SACM1L: variants seen among roughly 807,000 people sequenced by gnomAD.
SACM1L encodes the protein phosphatidylinositol-3-phosphatase SAC1.
In SACM1L, 32 loss-of-function variants were observed where a neutral mutation model predicts 89.5. That is an observed-to-expected ratio of 0.36 (90% CI 0.27 to 0.48). The LOEUF (loss-of-function observed/expected upper bound fraction) is 0.48, where lower values mean the gene tolerates loss of function less well. Ranked by LOEUF, SACM1L falls within the 20% of genes least tolerant of loss-of-function variation. The probability of loss-of-function intolerance (pLI) is 0.99; values close to 1 mark genes in which losing one functional copy is unlikely to be tolerated. For synonymous variants in SACM1L, 213 were observed against 232.8 expected, an observed-to-expected ratio of 0.92 and a Z score of 0.77; for missense variants, 543 against 708.5, an observed-to-expected ratio of 0.77 and a Z score of 2.65.
chr3:45,714,050 A>G lies in SACM1L; in HGVS notation c.548A>G (p.His183Arg). 2 of 1,526,916 alleles carry G rather than the reference A, an allele frequency of 1.3e-6. No homozygotes were observed. The highest frequency in any genetic ancestry group is 1.8e-6 in the Non-Finnish European group (2 of 1,115,992). 94.6% of individuals were successfully genotyped at this position (1,526,916 alleles called of 1,614,324 possible). A position where few individuals can be genotyped will look rare whatever the true frequency, so the allele number is the denominator to read the frequency against. The change falls in exon 7 of 20, where the codon CAT (histidine) becomes CGT (arginine). Residue 183 changes from histidine to arginine, a missense_variant. By Grantham distance (29) the His-to-Arg change is conservative. This residue lies in a region of SACM1L where 370 missense variants were observed against 527.6 expected (regional missense o/e 0.70). Transcript: ENST00000389061. Reference sequence around the variant, plus strand: ...AAATATATATCTTCATTTCAGGTTCATCGGTTTGCCCTTCCAGTGTTACAT... The same window carrying G: ...AAATATATATCTTCATTTCAGGTTCGTCGGTTTGCCCTTCCAGTGTTACAT... ...LRELSAQPEV[H>R]RFALPVLHGF...
chr3:45,733,197 G>A (rs1438560118), intron 13 of SACM1L, among the ~76,000 whole-genome samples: 1 of 152,192 alleles, frequency 6.6e-6, no homozygotes, highest in Non-Finnish European at 1.5e-5. Flanking sequence ...GTTCACTGTG[G>A]TCCACAGGGA....
rs370666288 is a variant in SACM1L, at chr3:45,719,541, G to C, written c.619G>C (p.Asp207His). ...ATGTTCTATTAATGGAAAATACTTT[G>C]ATTGGATTCTCATCTCGAGGAGGAG... ...HSCSINGKYFDWILISRRSCF... is the reference protein window; with the variant it reads ...HSCSINGKYFHWILISRRSCF... The change falls in exon 8 of 20, where the codon GAT becomes CAT. Residue 207 changes from aspartate to histidine, a missense_variant. Asp to His is a moderately conservative substitution (Grantham distance 81). Coordinates refer to ENST00000389061, the MANE Select transcript of SACM1L (RefSeq NM_014016.5). The C allele has an allele frequency of 1.2e-5, 20 of 1,612,154 alleles. No homozygotes were observed. In the African/African-American group the frequency reaches 2.0e-4, roughly 16 times the overall value.
chr3:45,721,051 G>C (rs1320222983), intron 8 of SACM1L, among the ~76,000 whole-genome samples: 3 of 152,166 alleles, frequency 2.0e-5, no homozygotes, highest in Non-Finnish European at 2.9e-5. Context: ...TCAAATATTT[G>C]AAAGAACTAA....
chr3:45,694,300 TAA>T (rs1286692462), intron 1 of SACM1L, among the ~76,000 whole-genome samples: 1 of 152,206 alleles, frequency 6.6e-6, no homozygotes, highest in Non-Finnish European at 1.5e-5. Context: ...TTGCCATTTT[TAA>T]AAGAGTCTCA....
intron 12 of SACM1L, 41 bp downstream of exon 12, chr3:45,731,421 A>G: frequency 7.4e-7 from 1 of 1,346,314 alleles, no homozygotes; most frequent in Non-Finnish European, 1.1e-6. Flanking sequence ...TTCAGATCAG[A>G]TGTGCACTTA....
Position 45,713,134 on chromosome 3 carries a change from C to G in SACM1L, c.484-3C>G. On this transcript the variant is annotated splice_region_variant and splice_polypyrimidine_tract_variant and intron_variant, in intron 5 of 19. Transcript: ENST00000389061. ...TTTTATTAAATTTTAAAACTTCTCT[C>G]AGGCAGATCAGCGGTTTGTATGGAA... The G allele has an allele frequency of 6.2e-7, 1 of 1,610,724 alleles. No homozygotes were observed. The highest frequency in any genetic ancestry group is 8.5e-7 in the Non-Finnish European group (1 of 1,178,162).
chr3:45,729,891 C>G (rs1434612904), intron 11 of SACM1L, among the ~76,000 whole-genome samples: 2 of 150,870 alleles, frequency 1.3e-5, no homozygotes, highest in Non-Finnish European at 2.9e-5. Context: ...CTCTCTCTTC[C>G]TGGAATTCCC....
At chr3:45,740,365 T>G (rs1358971845) in intron 19 of SACM1L, among the ~76,000 whole-genome samples, 1 of 152,162 alleles carries the variant, frequency 6.6e-6, no homozygotes, top group East Asian at 1.9e-4. Context: ...TGAGGGAGAT[T>G]CAACAGGACT....
chr3:45,700,650 T>C (rs1698244084), intron 1 of SACM1L, among the ~76,000 whole-genome samples: 1 of 152,170 alleles, frequency 6.6e-6, no homozygotes, highest in South Asian at 2.1e-4. Context: ...TCTATCTCTT[T>C]TTATTTTATT....
intron 4 of SACM1L, among the ~76,000 whole-genome samples, chr3:45,708,872 A>G (rs962849640): frequency 2.0e-5 from 3 of 152,224 alleles, no homozygotes; most frequent in African/African-American, 7.2e-5. Context: ...GATAAAAACA[A>G]ATGTCAATCT....
At chr3:45,708,071 TA>T (rs1174172147) in intron 4 of SACM1L, among the ~76,000 whole-genome samples, 2 of 152,158 alleles carry the variant, frequency 1.3e-5, no homozygotes, top group African/African-American at 2.4e-5. Flanking sequence ...ATCTATAACT[TA>T]CAATAGAGTT....
chr3:45,710,580 T>G (rs1354499121), intron 5 of SACM1L, among the ~76,000 whole-genome samples: 2 of 151,930 alleles, frequency 1.3e-5, no homozygotes, highest in Non-Finnish European at 2.9e-5. Flanking sequence ...AAGTTTCTTT[T>G]GTTCAGGAAC....
chr3:45,719,587 G>A lies in SACM1L; in HGVS notation c.665G>A (p.Arg222His). Residue 222 changes from arginine (R) to histidine (H), a missense_variant, in exon 8 of 20, where the codon CGC (arginine) becomes CAC (histidine). By Grantham distance (29) the Arg-to-His change is conservative. Transcript: ENST00000389061. ...SRRSCFRAGV[R>H]YYVRGIDSEG... ...AGGAGCTGTTTCAGAGCTGGTGTGC[G>A]CTATTATGTAAGAGGTGAGAATTTT... 1.9e-6 allele frequency: 3 copies of A among 1,607,812 alleles called. No homozygotes were observed. Among genetic ancestry groups the A allele is most frequent in the Non-Finnish European group, 2.6e-6 (3 of 1,176,456 alleles).
chr3:45,742,134 G>A (rs1484364992), intron 19 of SACM1L, among the ~76,000 whole-genome samples: 1 of 152,194 alleles, frequency 6.6e-6, no homozygotes, highest in African/African-American at 2.4e-5. Flanking sequence ...GAATGAAACG[G>A]ATGATTCCTT....
chr3:45,700,228 TGTTAAA>T (rs931396248), intron 1 of SACM1L, among the ~76,000 whole-genome samples: 29 of 152,350 alleles, frequency 1.9e-4, no homozygotes, highest in African/African-American at 6.7e-4. Context: ...AATCTTTTTA[TGTTAAA>T]AATAGCATTA....
rs1449758127 is a variant in SACM1L, at chr3:45,722,018, A to G, written c.698A>G (p.His233Arg). The stretch of plus-strand genomic sequence containing the variant: ...TATTTAGGAATTGATTCGGAAGGCC[A>G]TGCAGCTAACTTTGTAGAAACAGAA... ...YYVRGIDSEGHAANFVETEQI... is the reference protein window; with the variant it reads ...YYVRGIDSEGRAANFVETEQI... The change falls in exon 9 of 20, where the codon CAT (histidine) becomes CGT (arginine). Residue 233 changes from histidine to arginine, a missense_variant. Transcript: ENST00000389061. 1.2e-6 allele frequency: 2 copies of G among 1,612,200 alleles called. No homozygotes were observed. Among genetic ancestry groups the G allele is most frequent in the Non-Finnish European group, 1.7e-6 (2 of 1,178,740 alleles).
At chr3:45,740,465 ATCTTTGCAGCTG>A (rs1167077182) in intron 19 of SACM1L, among the ~76,000 whole-genome samples, 1 of 152,184 alleles carries the variant, frequency 6.6e-6, no homozygotes, top group African/African-American at 2.4e-5. Flanking sequence ...GTGGCCCACT[ATCTTTGCAGCTG>A]TCTACTTAGG....
At chr3:45,722,116 G>A (rs199669354) in intron 9 of SACM1L, 31 bp downstream of exon 9, 165 of 1,349,894 alleles carry the variant, frequency 1.2e-4, no homozygotes, top group African/African-American at 9.6e-4. Context: ...GGCAGTCAGC[G>A]AGTTGGCCTT....
Position 45,732,040 on chromosome 3 carries a change from T to C in SACM1L, c.1002-13T>C. 1 of 1,494,184 alleles carries C rather than the reference T, an allele frequency of 6.7e-7. No homozygotes were observed. The highest frequency in any genetic ancestry group is 9.1e-7 in the Non-Finnish European group (1 of 1,098,406). The allele number at this position is 1,494,184 out of a possible 1,614,324, so 92.6% of individuals were successfully genotyped here. On this transcript the variant is annotated splice_polypyrimidine_tract_variant and intron_variant, in intron 12 of 19. Transcript: ENST00000389061. ...ATCTCTGGTCGGTTTCTGAATATCT[T>C]TTCTTTTGGTAGATACATTGCCTTT...
Sources: allele counts gnomAD v4.1 joint callset (sites outside exome capture counted in the v4.1 genomes callset), GRCh38; gene constraint gnomAD v4.1.1; regional missense constraint gnomAD v4.1.1; transcripts MANE v1.5; gene names NCBI Gene and HGNC (gene_info 2026-07-23, HGNC 2026-07-21).